Variants in CCSER1 observed in about 807,000 individuals in gnomAD.
CCSER1 encodes the protein serine-rich coiled-coil domain-containing protein 1.
In CCSER1, 41 loss-of-function variants were observed where a neutral mutation model predicts 82.0. The ratio of observed to expected loss-of-function variants is 0.50; its 90% CI spans 0.39 to 0.65. The LOEUF is 0.65. Ranked by LOEUF, CCSER1 falls within the 30% of genes least tolerant of loss-of-function variation. The probability of loss-of-function intolerance (pLI) is 0.00; values close to 1 mark genes in which losing one functional copy is unlikely to be tolerated. For missense variants in CCSER1, 1,119 were observed against 1,064.2 expected, an observed-to-expected ratio of 1.05 and a Z score of -0.72; for synonymous variants, 414 against 383.9, an observed-to-expected ratio of 1.08 and a Z score of -0.92.
chr4:90,136,655 A>T (rs1380111657), intron 1 of CCSER1, among the ~76,000 whole-genome samples: 5 of 152,352 alleles, frequency 3.3e-5, no homozygotes, highest in Non-Finnish European at 2.9e-5. Flanking sequence ...AAATGGCTAA[A>T]TTTCTAGGCA....
At chr4:91,484,152 AG>A (rs1231810078) in intron 10 of CCSER1, among the ~76,000 whole-genome samples, 1 of 151,728 alleles carries the variant, frequency 6.6e-6, no homozygotes, top group Non-Finnish European at 1.5e-5. Context: ...TGAAACCTCT[AG>A]TCCAGTCTTA....
chr4:91,444,375 A>T (rs1578473938), intron 10 of CCSER1, among the ~76,000 whole-genome samples: 2 of 152,184 alleles, frequency 1.3e-5, no homozygotes, highest in East Asian at 1.9e-4. Flanking sequence ...TGATGTAATC[A>T]TCAATAATAG....
At chr4:91,279,289 T>A (rs1479453650) in intron 10 of CCSER1, among the ~76,000 whole-genome samples, 5 of 152,186 alleles carry the variant, frequency 3.3e-5, no homozygotes, top group African/African-American at 1.2e-4. Flanking sequence ...AATCTCTTGC[T>A]AGAGTTGGAA....
chr4:90,251,255 G>A (rs1722323716), intron 1 of CCSER1, among the ~76,000 whole-genome samples: 1 of 151,750 alleles, frequency 6.6e-6, no homozygotes, highest in African/African-American at 2.4e-5. Context: ...TGGCTAGAAT[G>A]TTCGGTATAA....
At chr4:90,319,781 A>G (rs1736808341) in intron 3 of CCSER1, among the ~76,000 whole-genome samples, 2 of 152,348 alleles carry the variant, frequency 1.3e-5, no homozygotes, top group Admixed American at 1.3e-4. Context: ...TGCAGTTTTT[A>G]GTGTAACTGA....
intron 3 of CCSER1, among the ~76,000 whole-genome samples, chr4:90,337,193 G>C (rs1415939425): frequency 1.3e-5 from 2 of 152,194 alleles, no homozygotes; most frequent in Non-Finnish European, 2.9e-5. Flanking sequence ...GTAATGCAGT[G>C]GGAACAGGGC....
intron 10 of CCSER1, among the ~76,000 whole-genome samples, chr4:91,121,693 T>C (rs1164245383): frequency 6.6e-6 from 1 of 151,616 alleles, no homozygotes; most frequent in Non-Finnish European, 1.5e-5. Flanking sequence ...TAGATAAATC[T>C]ATACCAAGAA....
chr4:90,755,236 G>T (rs902972501), intron 7 of CCSER1, among the ~76,000 whole-genome samples: 41 of 152,120 alleles, frequency 2.7e-4, no homozygotes, highest in African/African-American at 9.9e-4. Flanking sequence ...AACAAGAGGG[G>T]GTGCATATTG....
rs1443509783 is a variant in CCSER1, at chr4:90,628,260, C to T, written c.1932+28C>T. 5 of 1,561,088 alleles carry T rather than the reference C, an allele frequency of 3.2e-6. 1 individual carries two copies. In the South Asian group the frequency reaches 4.5e-5, roughly 14 times the overall value. On this transcript the variant is annotated intron_variant, in intron 6 of 10. Coordinates refer to ENST00000509176, the MANE Select transcript of CCSER1 (RefSeq NM_001145065.2). The stretch of plus-strand genomic sequence containing the variant: ...AATGGTTTCCTCTAAGATTAATGTC[C>T]TTCAGTGCTGGTAGACAATGAAGTC...
At chr4:90,283,482 A>G (rs1455362323) in intron 1 of CCSER1, among the ~76,000 whole-genome samples, 2 of 152,064 alleles carry the variant, frequency 1.3e-5, no homozygotes, top group African/African-American at 2.4e-5. Flanking sequence ...TAGGATATCC[A>G]TAATATTAAA....
At chr4:90,310,472 T>G (rs573695402) in intron 2 of CCSER1, among the ~76,000 whole-genome samples, 1 of 152,256 alleles carries the variant, frequency 6.6e-6, no homozygotes, top group African/African-American at 2.4e-5. Context: ...GATATTATTC[T>G]GTATACTTTA....
intron 10 of CCSER1, among the ~76,000 whole-genome samples, chr4:91,290,621 A>T (rs1001857640): frequency 6.6e-5 from 10 of 151,930 alleles, no homozygotes; most frequent in Non-Finnish European, 1.3e-4. Flanking sequence ...ACTATCCCAT[A>T]CCTCTATACC....
chr4:91,560,039 T>C (rs182226915), intron 10 of CCSER1, among the ~76,000 whole-genome samples: 238 of 151,594 alleles, frequency 1.6e-3, no homozygotes, highest in Middle Eastern at 3.4e-3. Context: ...GGTAAACTGA[T>C]TGGATAATGA....
At chr4:90,691,622 G>A (rs867619680) in intron 6 of CCSER1, among the ~76,000 whole-genome samples, 3 of 144,154 alleles carry the variant, frequency 2.1e-5, no homozygotes, top group Non-Finnish European at 4.7e-5. Context: ...ATGTATATAT[G>A]TGTATGTATA....
chr4:90,751,058 G>T (rs990547448), intron 7 of CCSER1, among the ~76,000 whole-genome samples: 2 of 151,992 alleles, frequency 1.3e-5, no homozygotes, highest in South Asian at 2.1e-4. Flanking sequence ...TTAACGAAAG[G>T]TTCAGTGAAG....
chr4:90,263,114 C>T (rs1724629791), intron 1 of CCSER1, among the ~76,000 whole-genome samples: 2 of 152,184 alleles, frequency 1.3e-5, no homozygotes, highest in South Asian at 4.1e-4. Context: ...GCAATAGCAT[C>T]TCTGCTATGA....
intron 1 of CCSER1, among the ~76,000 whole-genome samples, chr4:90,307,764 G>A (rs572728601): frequency 1.3e-5 from 2 of 152,130 alleles, no homozygotes; most frequent in Non-Finnish European, 2.9e-5. Context: ...GCTCACGTCA[G>A]TAACTTGTTG....
At chr4:90,568,409 T>C (rs148548005) in intron 5 of CCSER1, among the ~76,000 whole-genome samples, 1 of 152,340 alleles carries the variant, frequency 6.6e-6, no homozygotes, top group Non-Finnish European at 1.5e-5. Context: ...TATCATGATA[T>C]AATGATGTTC....
intron 10 of CCSER1, among the ~76,000 whole-genome samples, chr4:91,264,638 C>T (rs1013100222): frequency 6.6e-5 from 10 of 151,832 alleles, no homozygotes; most frequent in African/African-American, 1.9e-4. Flanking sequence ...TTTACATTAC[C>T]ACTGTTATGT....
Sources: gnomAD v4.1 joint callset for allele counts (sites outside exome capture counted in the v4.1 genomes callset) on GRCh38, gnomAD v4.1.1 for gene constraint, MANE v1.5 for transcripts, NCBI Gene and HGNC (gene_info 2026-07-23, HGNC 2026-07-21) for gene names.